Variants in SCN10A observed in about 807,000 individuals in gnomAD.
SCN10A encodes sodium channel protein type 10 subunit alpha.
Under a neutral mutation model 170.7 loss-of-function variants are expected in SCN10A, and 162 were observed. The observed-to-expected ratio is 0.95, with a 90% CI of 0.84 to 1.08. The LOEUF (loss-of-function observed/expected upper bound fraction) is 1.08, where lower values mean the gene tolerates loss of function less well. SCN10A is among the 50% of genes least tolerant of loss of function. The pLI is 0.00. For synonymous variants in SCN10A, 985 were observed against 904.6 expected, an observed-to-expected ratio of 1.09 and a Z score of -1.59; for missense variants, 2,527 against 2,436.9, an observed-to-expected ratio of 1.04 and a Z score of -0.78.
Position 38,723,538 on chromosome 3 carries a change from T to C in SCN10A, c.3244A>G (p.Ser1082Gly). The C allele has an allele frequency of 1.9e-6, 3 of 1,600,192 alleles. No homozygotes were observed. The highest frequency in any genetic ancestry group is 2.6e-6 in the Non-Finnish European group (3 of 1,172,668). ...TCCACCGTGCTGCCCTCAGAGGAGC[T>C]TGTGTCGTCCACTCCCTGCAGGGGA... ...QVPAEGVDDT[S>G]SSEGSTVDCL... Residue 1082 changes from serine to glycine, a missense_variant, in exon 19 of 28, where the codon AGC becomes GGC. Coordinates refer to ENST00000449082, the MANE Select transcript of SCN10A (RefSeq NM_006514.4).
chr3:38,736,383 G>C (rs929242853), intron 15 of SCN10A, among the ~76,000 whole-genome samples: 1 of 151,560 alleles, frequency 6.6e-6, no homozygotes, highest in African/African-American at 2.4e-5. Context: ...GTGTGTGTGT[G>C]TGTGTGTGTG....
At chr3:38,756,954 C>T in intron 9 of SCN10A, 64 bp downstream of exon 9, 3 of 1,605,458 alleles carry the variant, frequency 1.9e-6, no homozygotes, top group Non-Finnish European at 2.6e-6. Flanking sequence ...CCAGGAAAAG[C>T]ACAGCCATGC....
chr3:38,707,238 T>A, intron 26 of SCN10A, 41 bp downstream of exon 26: 4 of 1,596,706 alleles, frequency 2.5e-6, no homozygotes, highest in Non-Finnish European at 3.4e-6. Flanking sequence ...TCATGTTGGA[T>A]TCACAGACAG....
chr3:38,806,639 A>G (rs1007246250), intron 1 of SCN10A, among the ~76,000 whole-genome samples: 2 of 152,130 alleles, frequency 1.3e-5, no homozygotes, highest in Non-Finnish European at 2.9e-5. Flanking sequence ...CTGTAGGAAA[A>G]TCAAATAATG....
chr3:38,737,324 T>C (rs2063576055), intron 15 of SCN10A, among the ~76,000 whole-genome samples: 1 of 152,158 alleles, frequency 6.6e-6, no homozygotes, highest in Non-Finnish European at 1.5e-5. Flanking sequence ...GGGTGTGATA[T>C]CTCCTGCTCT....
At chr3:38,753,950 T>G (rs560786134) in intron 11 of SCN10A, among the ~76,000 whole-genome samples, 58 of 152,352 alleles carry the variant, frequency 3.8e-4, no homozygotes, top group African/African-American at 1.4e-3. Context: ...TCTATTTAAT[T>G]TCTATTGGTT....
intron 1 of SCN10A, among the ~76,000 whole-genome samples, chr3:38,809,001 TGAA>T (rs2064423276): frequency 6.6e-6 from 1 of 152,192 alleles, no homozygotes; most frequent in Non-Finnish European, 1.5e-5. Flanking sequence ...CACAGGAAGA[TGAA>T]GAAGTGCTCT....
At chr3:38,811,039 T>A (rs186691106) in intron 1 of SCN10A, among the ~76,000 whole-genome samples, 1 of 152,344 alleles carries the variant, frequency 6.6e-6, no homozygotes, top group East Asian at 1.9e-4. Flanking sequence ...TAATCTTGGA[T>A]ACTGGAGCCA....
chr3:38,756,111 G>C (rs535005346), intron 10 of SCN10A, among the ~76,000 whole-genome samples, 153 bp from the exon 11 acceptor site: 1 of 152,266 alleles, frequency 6.6e-6, no homozygotes, highest in Non-Finnish European at 1.5e-5. Context: ...GCCATGGCAG[G>C]AACAGACACC....
intron 13 of SCN10A, among the ~76,000 whole-genome samples, chr3:38,747,907 C>T (rs776454881): frequency 6.6e-6 from 1 of 152,122 alleles, no homozygotes; most frequent in Non-Finnish European, 1.5e-5. Context: ...CTTCTTATAT[C>T]TGAATATCTA....
At chr3:38,708,491 T>G (rs1343761401) in intron 25 of SCN10A, among the ~76,000 whole-genome samples, 1 of 152,204 alleles carries the variant, frequency 6.6e-6, no homozygotes, top group South Asian at 2.1e-4. Flanking sequence ...CTTCTTATGC[T>G]CAGAACCCTG....
intron 1 of SCN10A, among the ~76,000 whole-genome samples, chr3:38,804,012 A>G (rs2064390821): frequency 6.6e-6 from 1 of 152,060 alleles, no homozygotes; most frequent in Admixed American, 6.6e-5. Context: ...ATATCTTCTT[A>G]ACTTATCTCA....
rs1389317404 is a variant in SCN10A at position 38,697,148 on chromosome 3, G to GCTCTTAGCTT, written c.*191_*200dup. 4.4e-6 allele frequency: 3 copies of GCTCTTAGCTT among 684,426 alleles called. No individual in the cohort carries two copies. In the African/African-American group the frequency reaches 5.4e-5, roughly 12 times the overall value. The allele number at this position is 684,426 out of a possible 1,614,324, so 42.4% of individuals were successfully genotyped here. A position where few individuals can be genotyped will look rare whatever the true frequency, so the allele number is the denominator to read the frequency against. On this transcript the variant is annotated 3_prime_UTR_variant, in exon 28 of 28. Coordinates refer to ENST00000449082, the MANE Select transcript of SCN10A (RefSeq NM_006514.4). ...TCAGAAGGGAAATCACAGTGGAAGT[G>GCTCTTAGCTT]CTCTTAGCTTCTGACTCCTATTTGT... is the stretch of plus-strand genomic sequence containing the variant.
chr3:38,790,325 A>T lies in SCN10A; in HGVS notation c.390-1289T>A, dbSNP rs180722746. Among the ~76,000 whole-genome samples the T allele has an allele frequency of 4.3e-3, 649 of 152,110 alleles. 3 individuals are homozygous for T. Among genetic ancestry groups the T allele is most frequent in the Middle Eastern group, 0.02 (6 of 294 alleles). On this transcript the variant is annotated intron_variant, in intron 3 of 27. Coordinates refer to ENST00000449082, the MANE Select transcript of SCN10A (RefSeq NM_006514.4). Reference sequence around the variant, plus strand: ...TATCTTTTGGGGCTGGAGTTACCAAATTTATGAGATTTAAATGCAGACTTT... The same window carrying T: ...TATCTTTTGGGGCTGGAGTTACCAATTTTATGAGATTTAAATGCAGACTTT...
intron 1 of SCN10A, among the ~76,000 whole-genome samples, chr3:38,797,090 A>G (rs1254515439): frequency 6.6e-6 from 1 of 152,052 alleles, no homozygotes; most frequent in Non-Finnish European, 1.5e-5. Context: ...TATTGAGTCT[A>G]TTGACATTTT....
intron 4 of SCN10A, among the ~76,000 whole-genome samples, chr3:38,781,073 G>A (rs2064133309): frequency 6.6e-6 from 1 of 152,050 alleles, no homozygotes; most frequent in Non-Finnish European, 1.5e-5. Context: ...CATAAGCTAA[G>A]GAAAAATGTT....
chr3:38,787,469 G>T (rs1411697928), intron 4 of SCN10A, among the ~76,000 whole-genome samples: 1 of 151,342 alleles, frequency 6.6e-6, no homozygotes, highest in Admixed American at 6.6e-5. Context: ...TTACATCTTC[G>T]GTACTTTTTT....
chr3:38,705,228 C>G (rs1375464773), intron 26 of SCN10A, among the ~76,000 whole-genome samples: 1 of 152,184 alleles, frequency 6.6e-6, no homozygotes, highest in Non-Finnish European at 1.5e-5. Flanking sequence ...AATTAGGGAA[C>G]AAAGGAAAGA....
rs544640954 is a variant in SCN10A at position 38,733,103 on chromosome 3, T to C, written c.2281-4202A>G. ...GAGAACTTTGTCAAAGAAAGCACTT[T>C]GTGTGGCAATGAGAGGTCTGAAGCC... On this transcript the variant is annotated intron_variant, in intron 15 of 27. Coordinates refer to ENST00000449082, the MANE Select transcript of SCN10A (RefSeq NM_006514.4). Among the ~76,000 whole-genome samples, 17 of 152,350 alleles carry C rather than the reference T, an allele frequency of 1.1e-4. No homozygotes were observed. The East Asian group carries it at 3.3e-3, about 29-fold the overall frequency.
Sources: gnomAD v4.1 joint callset for allele counts (sites outside exome capture counted in the v4.1 genomes callset) on GRCh38, gnomAD v4.1.1 for gene constraint, MANE v1.5 for transcripts, NCBI Gene and HGNC (gene_info 2026-07-23, HGNC 2026-07-21) for gene names.